LRRC69: variants seen among roughly 807,000 people sequenced by gnomAD.
LRRC69 encodes the protein leucine-rich repeat-containing protein 69.
LRRC69 carries 42 observed loss-of-function variants against 37.8 expected under a neutral mutation model. The observed-to-expected ratio is 1.11, with a 90% CI of 0.87 to 1.44. The LOEUF is 1.44. Ranked by LOEUF, LRRC69 falls within the 40% of genes most tolerant of loss-of-function variation. LRRC69 has a pLI of 0.00. For synonymous variants in LRRC69, 141 were observed against 143.1 expected (o/e 0.99, Z 0.11); for missense variants, 357 against 401.9 (o/e 0.89, Z 0.96).
intron 1 of LRRC69, among the ~76,000 whole-genome samples, chr8:91,121,370 C>G (rs554085755): frequency 6.6e-6 from 1 of 152,166 alleles, no homozygotes; most frequent in East Asian, 1.9e-4. Flanking sequence ...ACCCCTTACC[C>G]TAGTTTATGA....
At chr8:91,191,837 T>C (rs2130613454) in intron 6 of LRRC69, among the ~76,000 whole-genome samples, 1 of 152,186 alleles carries the variant, frequency 6.6e-6, no homozygotes, top group South Asian at 2.1e-4. Flanking sequence ...GCACAAAAGT[T>C]AATTTTTTTT....
chr8:91,213,203 GTGGC>G (rs1399545283), intron 7 of LRRC69, among the ~76,000 whole-genome samples: 2 of 152,162 alleles, frequency 1.3e-5, no homozygotes, highest in Admixed American at 1.3e-4. Context: ...GCTTAGCTGG[GTGGC>G]TGGCTGGAAC....
intron 5 of LRRC69, among the ~76,000 whole-genome samples, chr8:91,185,583 T>G (rs60301326): frequency 0.68 from 103,380 of 151,438 alleles, 35,794 homozygotes; most frequent in African/African-American, 0.76. Context: ...AGATATTTTT[T>G]CTTTCTTATG....
chr8:91,150,616 G>T (rs1445466085), intron 5 of LRRC69, among the ~76,000 whole-genome samples: 2 of 152,016 alleles, frequency 1.3e-5, no homozygotes, highest in Non-Finnish European at 2.9e-5. Flanking sequence ...AGTTAGGGAG[G>T]ATTCTCTCTT....
intron 7 of LRRC69, among the ~76,000 whole-genome samples, chr8:91,203,530 TTACA>T (rs1159564469): frequency 6.6e-6 from 1 of 151,748 alleles, no homozygotes; most frequent in Non-Finnish European, 1.5e-5. Flanking sequence ...GTAGCTGGGA[TTACA>T]GGTGGCCACC....
exon 8 of LRRC69, chr8:91,218,907 G>C: frequency 6.5e-7 from 1 of 1,548,894 alleles, no homozygotes. Context: ...AGATAAGCAA[G>C]AATCTGAAGC....
rs909014960 is a variant in LRRC69 at position 91,197,704 on chromosome 8, G to C, written c.754-2909G>C. 7.2e-5 allele frequency among the ~76,000 whole-genome samples: 11 copies of C among 152,052 alleles called. No homozygotes were observed. The South Asian group carries it at 2.3e-3, about 32-fold the overall frequency. ...GCAATGCCTCACCCTGCTTCGGCTCGCGCACGGTGCGCGCACCCACTGACC... is the reference window on the plus strand; with the variant it reads ...GCAATGCCTCACCCTGCTTCGGCTCCCGCACGGTGCGCGCACCCACTGACC... On this transcript the variant is annotated intron_variant, in intron 6 of 7. Coordinates refer to ENST00000448384, the Ensembl canonical transcript of LRRC69.
At chr8:91,196,041 T>C (rs1302800991) in intron 6 of LRRC69, among the ~76,000 whole-genome samples, 2 of 152,228 alleles carry the variant, frequency 1.3e-5, no homozygotes, top group Admixed American at 6.5e-5. Flanking sequence ...GCAGGCCTTG[T>C]AGTGACAAAA....
In LRRC69 at chr8:91,144,994, A is replaced by G. The variant is rs373512201; in HGVS notation, c.651+9255A>G. ...TGTGCACATACAGACAAGCATTCCT[A>G]GGGAGACCATTTAGTTTTGCATTAA... On this transcript the variant is annotated intron_variant, in intron 5 of 7. Coordinates refer to ENST00000448384, the Ensembl canonical transcript of LRRC69. Among the ~76,000 whole-genome samples the G allele has an allele frequency of 2.0e-5, 3 of 151,928 alleles. No individual in the cohort carries two copies. The East Asian group carries it at 5.8e-4, about 29-fold the overall frequency.
chr8:91,136,171 A>T (rs1160749924), intron 5 of LRRC69, among the ~76,000 whole-genome samples: 1 of 151,956 alleles, frequency 6.6e-6, no homozygotes, highest in East Asian at 1.9e-4. Flanking sequence ...ATGAATTTTG[A>T]CCTCATTTTA....
At chr8:91,197,655 G>A (rs995895402) in intron 6 of LRRC69, among the ~76,000 whole-genome samples, 4 of 152,134 alleles carry the variant, frequency 2.6e-5, no homozygotes, top group Non-Finnish European at 5.9e-5. Context: ...GGAACTCCCT[G>A]ACCCCTTGCG....
In LRRC69 at chr8:91,111,958, A is replaced by C. The variant is rs187490144; in HGVS notation, c.183+9114A>C. 1.9e-3 allele frequency among the ~76,000 whole-genome samples: 292 copies of C among 152,006 alleles called. 1 individual carries two copies. Among genetic ancestry groups the C allele is most frequent in the African/African-American group, 6.8e-3 (281 of 41,546 alleles). On this transcript the variant is annotated intron_variant, in intron 1 of 7. Transcript: ENST00000448384. ...AATAATAATTGATAATAGAAAGTAC[A>C]CCGTGCTATGCAAATGCAAAAGGAG...
chr8:91,214,075 T>G (rs1809991086), intron 7 of LRRC69, among the ~76,000 whole-genome samples: 1 of 152,092 alleles, frequency 6.6e-6, no homozygotes, highest in Non-Finnish European at 1.5e-5. Context: ...CTGGCTTAGT[T>G]GAAGTTTGAA....
chr8:91,157,594 G>T (rs1424244186), intron 5 of LRRC69: 2 of 1,546,110 alleles, frequency 1.3e-6, no homozygotes, highest in East Asian at 4.5e-5. Context: ...AACTGCACCT[G>T]ATCAGGTGGA....
intron 7 of LRRC69, among the ~76,000 whole-genome samples, chr8:91,208,320 C>T (rs1809842386): frequency 6.6e-6 from 1 of 152,088 alleles, no homozygotes; most frequent in African/African-American, 2.4e-5. Context: ...ATAAGTGAGA[C>T]ACTCGAAGCC....
chr8:91,151,793 C>T (rs1241533061), intron 5 of LRRC69, among the ~76,000 whole-genome samples: 3 of 151,550 alleles, frequency 2.0e-5, no homozygotes, highest in Non-Finnish European at 2.9e-5. Flanking sequence ...TCTCTGCAGC[C>T]TTGCCAGGAT....
intron 6 of LRRC69, among the ~76,000 whole-genome samples, chr8:91,193,379 G>A (rs1469051806): frequency 2.1e-5 from 3 of 142,490 alleles, no homozygotes; most frequent in African/African-American, 7.9e-5. Context: ...TTCCAATTCT[G>A]TGAAGAAAGG....
chr8:91,201,089 A>G (rs1020489873), intron 7 of LRRC69, among the ~76,000 whole-genome samples: 6 of 152,236 alleles, frequency 3.9e-5, no homozygotes, highest in African/African-American at 1.4e-4. Context: ...TAATAAAACC[A>G]GAACTAAATT....
At chr8:91,167,024 C>T (rs897324937) in intron 5 of LRRC69, among the ~76,000 whole-genome samples, 4 of 151,808 alleles carry the variant, frequency 2.6e-5, no homozygotes, top group Non-Finnish European at 5.9e-5. Context: ...CCCTGTTGGG[C>T]TGTGATACTT....
Sources: gnomAD v4.1 joint callset for allele counts (sites outside exome capture counted in the v4.1 genomes callset) on GRCh38, gnomAD v4.1.1 for gene constraint, MANE v1.5 for transcripts, NCBI Gene and HGNC (gene_info 2026-07-23, HGNC 2026-07-21) for gene names.